The following POT1 variants were observed in gnomAD, a reference collection of about 807,000 sequenced individuals.
The protein encoded by POT1 is protection of telomeres 1.
POT1 carries 47 observed loss-of-function variants against 78.5 expected under a neutral mutation model. The ratio of observed to expected loss-of-function variants is 0.60; its 90% confidence interval spans 0.47 to 0.76. The LOEUF (loss-of-function observed/expected upper bound fraction) is 0.76. POT1 is among the 30% of genes least tolerant of loss of function. POT1 has a pLI of 0.00. For synonymous variants in POT1, 259 were observed against 260.7 expected, an observed-to-expected ratio of 0.99 and a Z score of 0.06; for missense variants, 646 against 749.9, an observed-to-expected ratio of 0.86 and a Z score of 1.62.
intron 2 of POT1, among the ~76,000 whole-genome samples, chr7:124,921,117 T>C (rs1173735852): frequency 1.3e-5 from 2 of 151,792 alleles, no homozygotes; most frequent in Non-Finnish European, 2.9e-5. Flanking sequence ...AATAAGAAAA[T>C]GTTGAAACTT....
At chr7:124,881,832 A>C (rs1489630177) in intron 6 of POT1, among the ~76,000 whole-genome samples, 1 of 152,008 alleles carries the variant, frequency 6.6e-6, no homozygotes, top group African/African-American at 2.4e-5. Flanking sequence ...AAAATCCTTT[A>C]ATAAATCAGC....
chr7:124,866,790 T>C (rs932051018), intron 7 of POT1, among the ~76,000 whole-genome samples: 2 of 152,180 alleles, frequency 1.3e-5, no homozygotes, highest in Non-Finnish European at 2.9e-5. Flanking sequence ...TAAAAAACAG[T>C]TGCCTCATAA....
chr7:124,825,261 TTC>T lies in POT1; in HGVS notation c.1781_1782del (p.Gly594AspfsTer4), dbSNP rs1562972380. The T allele has an allele frequency of 1.9e-6, 3 of 1,605,036 alleles. No individual in the cohort carries two copies. Among genetic ancestry groups the T allele is most frequent in the Non-Finnish European group, 1.7e-6 (2 of 1,174,882 alleles). Reference protein sequence around the residue: ...DMIMDMFCPPGIKIDAYPWLE... With the variant: ...DMIMDMFCPPXIKIDAYPWLE... The stretch of plus-strand genomic sequence containing the variant: ...AAATATTCTTGCCTACCAATTTTTA[TTC>T]CTGGAGGACAAAACATATCCATGAT... On this transcript the variant is annotated frameshift_variant, in exon 18 of 19. Transcript: ENST00000357628. LOFTEE classifies it high-confidence loss of function.
At position 124,859,025 on chromosome 7, in the gene POT1, G is replaced by T. The variant is rs1444551164; in HGVS notation, c.634C>A (p.Arg212=). ...VLEGDLSHIH[R]LQNLTIDILV... is the part of the protein sequence containing the mutation. ...ATGTCTATTGTCAGATTTTGTAGCC[G>T]ATGGATGTGACTTAAATCACCTTCA... The change falls in exon 9 of 19, where the codon CGG becomes AGG. Residue 212 remains arginine (R), a synonymous_variant. Coordinates refer to ENST00000357628, the MANE Select transcript of POT1 (RefSeq NM_015450.3). 1.9e-6 allele frequency: 3 copies of T among 1,610,070 alleles called. No homozygotes were observed. The highest frequency in any genetic ancestry group is 8.5e-7 in the Non-Finnish European group (1 of 1,177,356).
At chr7:124,829,411 C>T in intron 15 of POT1, 69 bp from the exon 16 acceptor site, 2 of 961,428 alleles carry the variant, frequency 2.1e-6, no homozygotes, top group Non-Finnish European at 3.2e-6. Context: ...TAACTTTTTA[C>T]TGCTCAAACA....
At chr7:124,917,363 T>G (rs978477123) in intron 2 of POT1, among the ~76,000 whole-genome samples, 2 of 152,240 alleles carry the variant, frequency 1.3e-5, no homozygotes, top group Non-Finnish European at 2.9e-5. Context: ...GTCAACCATC[T>G]CCGATCCTAC....
chr7:124,832,956 C>A (rs1794804878), intron 15 of POT1, among the ~76,000 whole-genome samples: 1 of 151,730 alleles, frequency 6.6e-6, no homozygotes, highest in Non-Finnish European at 1.5e-5. Flanking sequence ...GTGCCCAGTA[C>A]TGGCAAGGCA....
chr7:124,897,931 G>T (rs992513755), intron 4 of POT1, among the ~76,000 whole-genome samples: 11 of 151,828 alleles, frequency 7.2e-5, no homozygotes, highest in Non-Finnish European at 1.5e-4. Context: ...ACCTAAAGAG[G>T]GGTAGTTGAT....
intron 7 of POT1, 54 bp from the exon 8 acceptor site, chr7:124,863,694 G>A (rs1039770492): frequency 2.6e-5 from 35 of 1,343,772 alleles, no homozygotes; most frequent in Non-Finnish European, 3.4e-5. Flanking sequence ...GCTTACTGAT[G>A]CACAACCTAC....
At chr7:124,841,278 G>A in intron 13 of POT1, 100 bp from the exon 14 acceptor site, 1 of 847,662 alleles carries the variant, frequency 1.2e-6, no homozygotes, top group Non-Finnish European at 1.9e-6. Flanking sequence ...ATTCTTACAT[G>A]TAGATGAGTC....
At position 124,822,642 on chromosome 7, in the gene POT1, T is replaced by C. The variant is rs1481008726; in HGVS notation, c.*1320A>G. On this transcript the variant is annotated 3_prime_UTR_variant, in exon 19 of 19. Coordinates refer to ENST00000357628, the MANE Select transcript of POT1 (RefSeq NM_015450.3). Reference sequence around the variant, plus strand: ...CCTGTTCAACTGTAGGGTTTTAAAATATTTTTCCTGAAAATGTTTTGAACC... The same window carrying C: ...CCTGTTCAACTGTAGGGTTTTAAAACATTTTTCCTGAAAATGTTTTGAACC... The C allele has an allele frequency of 5.0e-6, 2 of 396,222 alleles. No homozygotes were observed. Among genetic ancestry groups the C allele is most frequent in the Admixed American group, 2.7e-5 (1 of 36,942 alleles). 24.5% of individuals were successfully genotyped at this position (396,222 alleles called of 1,614,324 possible).
intron 8 of POT1, among the ~76,000 whole-genome samples, chr7:124,861,721 G>A (rs1795602532): frequency 6.6e-6 from 1 of 152,114 alleles, no homozygotes; most frequent in African/African-American, 2.4e-5. Flanking sequence ...TTCTTCTAGG[G>A]TTTTTATGGT....
At chr7:124,852,846 T>A in intron 10 of POT1, 126 bp downstream of exon 10, 1 of 775,712 alleles carries the variant, frequency 1.3e-6, no homozygotes, top group East Asian at 2.7e-5. Flanking sequence ...ATTTGGCTCA[T>A]CTATTTAAAA....
chr7:124,876,591 T>G (rs2116583927), intron 6 of POT1, among the ~76,000 whole-genome samples: 1 of 152,272 alleles, frequency 6.6e-6, no homozygotes, highest in Middle Eastern at 3.4e-3. Flanking sequence ...TGAGGTTATA[T>G]CCTCACTTAC....
At chr7:124,904,394 C>T (rs777191594) in intron 3 of POT1, among the ~76,000 whole-genome samples, 1 of 152,120 alleles carries the variant, frequency 6.6e-6, no homozygotes, top group Non-Finnish European at 1.5e-5. Flanking sequence ...AAGACAAAAA[C>T]CACATGATTA....
At chr7:124,926,643 A>G (rs1797280592) in intron 2 of POT1, among the ~76,000 whole-genome samples, 1 of 152,198 alleles carries the variant, frequency 6.6e-6, no homozygotes, top group Admixed American at 6.5e-5. Context: ...TATGTATACC[A>G]CAGCAGTATT....
chr7:124,899,613 C>T (rs1406991679), intron 3 of POT1, among the ~76,000 whole-genome samples: 3 of 151,970 alleles, frequency 2.0e-5, no homozygotes, highest in Non-Finnish European at 2.9e-5. Context: ...GACCTCAAAC[C>T]AATACATTCT....
intron 6 of POT1, among the ~76,000 whole-genome samples, chr7:124,885,326 A>C (rs1432199764): frequency 7.0e-6 from 1 of 142,682 alleles, no homozygotes; most frequent in Non-Finnish European, 1.5e-5. Context: ...TTTTTTGATT[A>C]GTTGGACATG....
chr7:124,882,735 C>G (rs1438000694), intron 6 of POT1, among the ~76,000 whole-genome samples: 1 of 151,658 alleles, frequency 6.6e-6, no homozygotes, highest in Non-Finnish European at 1.5e-5. Context: ...TTCATTAAAA[C>G]AATTCAAACT....
Sources: gnomAD v4.1 joint callset for allele counts (sites outside exome capture counted in the v4.1 genomes callset) on GRCh38, gnomAD v4.1.1 for gene constraint, MANE v1.5 for transcripts, NCBI Gene and HGNC (gene_info 2026-07-23, HGNC 2026-07-21) for gene names.